STAT5B: variants seen among roughly 807,000 people sequenced by gnomAD.
The protein encoded by STAT5B is signal transducer and activator of transcription 5B.
A neutral mutation model predicts 107.8 loss-of-function variants in STAT5B; 21 were observed. The observed-to-expected ratio is 0.19, with a 90% CI of 0.14 to 0.28. The LOEUF is 0.28. Among genes scored for constraint, STAT5B ranks in the 10% least tolerant of loss-of-function variants. The pLI is 1.00. For missense variants in STAT5B, 565 were observed against 1,008.2 expected (o/e 0.56, Z 5.95); for synonymous variants, 325 against 401.7 (o/e 0.81, Z 2.28).
At chr17:42,267,677 G>C (rs1220482981) in intron 1 of STAT5B, among the ~76,000 whole-genome samples, 1 of 152,148 alleles carries the variant, frequency 6.6e-6, no homozygotes, top group Non-Finnish European at 1.5e-5. Flanking sequence ...GTAAACAGTT[G>C]GCCGGGCACG....
chr17:42,263,363 CAA>C (rs1244019279), intron 1 of STAT5B, among the ~76,000 whole-genome samples: 2 of 151,922 alleles, frequency 1.3e-5, no homozygotes, highest in Admixed American at 6.6e-5. Flanking sequence ...AAAAAATTAA[CAA>C]AAACATCACA....
At position 42,258,775 on chromosome 17, in the gene STAT5B, G is replaced by A. The variant is rs373462555; in HGVS notation, c.-11+17473C>T. Among the ~76,000 whole-genome samples the A allele has an allele frequency of 7.8e-4, 119 of 152,338 alleles. 1 individual carries two copies. In the Middle Eastern group the frequency reaches 0.014, roughly 17 times the overall value. Reference sequence around the variant, plus strand: ...CTGCAAGTCTCCCTTCTGAAGCTCCGTTTGTTCAGTATTCCTCACACAGTG... The same window carrying A: ...CTGCAAGTCTCCCTTCTGAAGCTCCATTTGTTCAGTATTCCTCACACAGTG... On this transcript the variant is annotated intron_variant, in intron 1 of 18. Transcript: ENST00000293328.
At position 42,219,716 on chromosome 17, in the gene STAT5B, C is replaced by T. The variant is rs973881375; in HGVS notation, c.677G>A (p.Arg226His). The stretch of plus-strand genomic sequence containing the variant: ...GAGGCCCAGGACCCCACTCACCACG[C>T]GGTACTGCTGCAGTGTCTGTGCCTC... Reference protein sequence around the residue: ...QREAQTLQQYRVELAEKHQKT... With the variant: ...QREAQTLQQYHVELAEKHQKT... Residue 226 changes from arginine to histidine, a missense_variant, in exon 6 of 19, where the codon CGC becomes CAC. Transcript: ENST00000293328. 1.7e-5 allele frequency: 28 copies of T among 1,605,638 alleles called. No homozygotes were observed. The highest frequency in any genetic ancestry group is 2.2e-5 in the Non-Finnish European group (26 of 1,177,408).
At chr17:42,244,202 C>T (rs2144335933) in intron 1 of STAT5B, among the ~76,000 whole-genome samples, 1 of 151,634 alleles carries the variant, frequency 6.6e-6, no homozygotes, top group East Asian at 1.9e-4. Flanking sequence ...ATCCTCCTCC[C>T]TTAGCCCCCT....
At chr17:42,207,908 T>TAAAA (rs2080099218) in intron 15 of STAT5B, among the ~76,000 whole-genome samples, 180 bp from the exon 16 acceptor site, 1 of 152,178 alleles carries the variant, frequency 6.6e-6, no homozygotes, top group Non-Finnish European at 1.5e-5. Flanking sequence ...CTTACTTACT[T>TAAAA]ATTTTGAGAC....
chr17:42,262,984 A>G (rs1231561872), intron 1 of STAT5B, among the ~76,000 whole-genome samples: 11 of 39,056 alleles, frequency 2.8e-4, no homozygotes, highest in East Asian at 8.2e-4. Context: ...ATATATATAT[A>G]TATATATATA....
rs2080420011 is a variant in STAT5B, at chr17:42,243,187, A to AT, written c.-10-11051dup. On this transcript the variant is annotated intron_variant, in intron 1 of 18. Coordinates refer to ENST00000293328, the MANE Select transcript of STAT5B (RefSeq NM_012448.4). ...ATGTGTTTATACTTAAAAAAAATAA[A>AT]TAAAAAAAAAATATAAAAATTAGTT... 3.3e-5 allele frequency among the ~76,000 whole-genome samples: 3 copies of AT among 91,412 alleles called. No individual in the cohort carries two copies. In the South Asian group the frequency reaches 9.8e-4, roughly 30 times the overall value. The allele number at this position is 91,412 out of a possible 152,430, so 60.0% of individuals were successfully genotyped here.
intron 2 of STAT5B, among the ~76,000 whole-genome samples, chr17:42,229,066 G>C (rs2080297138): frequency 6.6e-6 from 1 of 152,216 alleles, no homozygotes; most frequent in Admixed American, 6.5e-5. Context: ...GTATTAAATA[G>C]AATACGTATT....
intron 1 of STAT5B, among the ~76,000 whole-genome samples, chr17:42,255,971 C>G (rs1330065937): frequency 6.6e-6 from 1 of 152,002 alleles, no homozygotes; most frequent in Non-Finnish European, 1.5e-5. Context: ...ACCTGTAATC[C>G]CAGCTACTCA....
chr17:42,228,059 C>T (rs1022110322), intron 2 of STAT5B, among the ~76,000 whole-genome samples: 1 of 152,018 alleles, frequency 6.6e-6, no homozygotes, highest in African/African-American at 2.4e-5. Context: ...TTTATAGTTA[C>T]CCCTCATGGG....
At chr17:42,221,246 C>A (rs1419190960) in intron 5 of STAT5B, among the ~76,000 whole-genome samples, 1 of 152,174 alleles carries the variant, frequency 6.6e-6, no homozygotes. Flanking sequence ...TGCACGGCTA[C>A]CTCAGGAATC....
At chr17:42,274,325 T>C (rs2080746962) in intron 1 of STAT5B, among the ~76,000 whole-genome samples, 6 of 148,994 alleles carry the variant, frequency 4.0e-5, no homozygotes, top group Admixed American at 4.0e-4. Context: ...ATTCCTTCCC[T>C]GTGTCTCAAT....
chr17:42,218,242 G>A lies in STAT5B; in HGVS notation c.1078C>T (p.Leu360=). 3 of 1,614,178 alleles carry A rather than the reference G, an allele frequency of 1.9e-6. No homozygotes were observed. The highest frequency in any genetic ancestry group is 1.3e-5 in the African/African-American group (1 of 75,034). ...TGGGGGGGGTTCATGTGCACGTTCAGCTTCCCGCCCACCAGCAGGCGCACA... is the reference window on the plus strand; with the variant it reads ...TGGGGGGGGTTCATGTGCACGTTCAACTTCCCGCCCACCAGCAGGCGCACA... The part of the protein sequence containing the change: ...ATVRLLVGGK[L]NVHMNPPQVK... The change falls in exon 9 of 19, where the codon CTG becomes TTG. Residue 360 remains leucine, a synonymous_variant. Transcript: ENST00000293328.
In STAT5B at chr17:42,244,035, T is replaced by G. The variant is rs72820891; in HGVS notation, c.-10-11898A>C. ...GCATTACGGAAAAATAAGAAATGATTTGAAGCTGCCATGTAGTCCTATCTT... is the reference window on the plus strand; with the variant it reads ...GCATTACGGAAAAATAAGAAATGATGTGAAGCTGCCATGTAGTCCTATCTT... On this transcript the variant is annotated intron_variant, in intron 1 of 18. Transcript: ENST00000293328. Among the ~76,000 whole-genome samples the G allele has an allele frequency of 4.9e-3, 748 of 152,274 alleles. 3 individuals are homozygous for G. Among genetic ancestry groups the G allele is most frequent in the Non-Finnish European group, 7.4e-3 (506 of 68,014 alleles).
chr17:42,286,138 TAGG>T, the STAT5B span, among the ~76,000 whole-genome samples: 1 of 144,840 alleles, frequency 6.9e-6, no homozygotes, highest in Non-Finnish European at 1.5e-5. Context: ...GAGGCTGAGG[TAGG>T]AGAATCGCTT....
At chr17:42,272,467 C>G (rs1340088730) in intron 1 of STAT5B, 1 of 152,192 alleles carries the variant, frequency 6.6e-6, no homozygotes, top group Non-Finnish European at 1.5e-5. Flanking sequence ...GATAGCAGCA[C>G]CTCCATTTTT....
chr17:42,265,300 A>G (rs1054015974), intron 1 of STAT5B, among the ~76,000 whole-genome samples: 6 of 151,800 alleles, frequency 4.0e-5, no homozygotes, highest in African/African-American at 1.5e-4. Context: ...ATTTGTACAA[A>G]TCTTTAAACA....
chr17:42,211,963 G>A, intron 13 of STAT5B, 21 bp downstream of exon 13: 1 of 1,597,794 alleles, frequency 6.3e-7, no homozygotes, highest in Middle Eastern at 1.7e-4. Context: ...TCTAACAGCG[G>A]CTGGCAGCTG....
intron 16 of STAT5B, among the ~76,000 whole-genome samples, chr17:42,204,745 G>A (rs565720588): frequency 6.6e-6 from 1 of 152,324 alleles, no homozygotes; most frequent in East Asian, 1.9e-4. Context: ...CTTCTGAGTA[G>A]CTGGGACTAC....
Sources: allele counts gnomAD v4.1 joint callset (sites outside exome capture counted in the v4.1 genomes callset), GRCh38; gene constraint gnomAD v4.1.1; transcripts MANE v1.5; gene names NCBI Gene and HGNC (gene_info 2026-07-23, HGNC 2026-07-21).